GUCY1A2: variants seen among roughly 807,000 people sequenced by gnomAD.
GUCY1A2 encodes the protein guanylate cyclase soluble subunit alpha-2.
Under a neutral mutation model 63.5 loss-of-function variants are expected in GUCY1A2, and 27 were observed. The observed-to-expected ratio is 0.43, with a 90% confidence interval of 0.31 to 0.59. GUCY1A2 has a LOEUF of 0.59. Ranked by LOEUF, GUCY1A2 falls within the 20% of genes least tolerant of loss-of-function variation. The pLI is 0.11. For synonymous variants in GUCY1A2, 364 were observed against 343.5 expected, an observed-to-expected ratio of 1.06 and a Z score of -0.66; for missense variants, 768 against 913.3, an observed-to-expected ratio of 0.84 and a Z score of 2.05.
intron 5 of GUCY1A2, among the ~76,000 whole-genome samples, chr11:106,782,191 T>A (rs180887302): frequency 6.6e-6 from 1 of 152,082 alleles, no homozygotes; most frequent in Non-Finnish European, 1.5e-5. Flanking sequence ...CTATGGGGCA[T>A]AAGAGCAGAG....
rs1389256268 is a variant in GUCY1A2, at chr11:106,679,429, A to C, written c.*8120T>G. ...TTTGCTAGCAGCCAAACCCAATTTG[A>C]GAAGAATGTGAAGAAGAATATGGCG... On this transcript the variant is annotated 3_prime_UTR_variant, in exon 8 of 8. Transcript: ENST00000526355. The C allele has an allele frequency of 5.1e-6, 1 of 195,764 alleles. No individual in the cohort carries two copies. The highest frequency in any genetic ancestry group is 1.1e-5 in the Non-Finnish European group (1 of 94,344). The allele number at this position is 195,764 out of a possible 1,614,324, so 12.1% of individuals were successfully genotyped here. A position where few individuals can be genotyped will look rare whatever the true frequency, so the allele number is the denominator to read the frequency against.
rs1199783393 is a variant in GUCY1A2, at chr11:106,708,517, A to G, written c.1986T>C (p.Thr662=). 14 of 1,611,364 alleles carry G rather than the reference A, an allele frequency of 8.7e-6. No homozygotes were observed. The highest frequency in any genetic ancestry group is 1.2e-5 in the Non-Finnish European group (14 of 1,178,436). ...GGAGGCCAGAGAACACTTACTGGTAAGTGGTTGGGCTGACATTGATGCGCC... is the reference window on the plus strand; with the variant it reads ...GGAGGCCAGAGAACACTTACTGGTAGGTGGTTGGGCTGACATTGATGCGCC... ...HPRRINVSPT[T]YQLLKREESF... Residue 662 remains threonine (T), a synonymous_variant, in exon 7 of 8, where the codon ACT becomes ACC. Transcript: ENST00000526355.
intron 2 of GUCY1A2, among the ~76,000 whole-genome samples, chr11:106,980,910 AT>A (rs1861326527): frequency 6.6e-6 from 1 of 152,176 alleles, no homozygotes; most frequent in African/African-American, 2.4e-5. Flanking sequence ...AACCTCCACC[AT>A]TTTTATCAGA....
chr11:106,962,624 G>A (rs2120067250), intron 3 of GUCY1A2, among the ~76,000 whole-genome samples: 1 of 151,570 alleles, frequency 6.6e-6, no homozygotes, highest in South Asian at 2.1e-4. Flanking sequence ...AGTAGGTGGG[G>A]GGAGTTAAAT....
At chr11:106,907,656 T>C (rs962219995) in intron 4 of GUCY1A2, among the ~76,000 whole-genome samples, 3 of 152,062 alleles carry the variant, frequency 2.0e-5, no homozygotes, top group Non-Finnish European at 4.4e-5. Flanking sequence ...ACATGCGGTG[T>C]TTGGTTTTTT....
chr11:107,015,561 C>CAAAAAAAAAAAAAAA (rs568139219), intron 1 of GUCY1A2, among the ~76,000 whole-genome samples: 1 of 27,480 alleles, frequency 3.6e-5, no homozygotes, highest in African/African-American at 1.1e-4. Context: ...TTCTCTTAGG[C>CAAAAAAAAAAAAAAA]AAAAAAAAAA....
chr11:106,752,789 T>A (rs2135386203), intron 6 of GUCY1A2, among the ~76,000 whole-genome samples: 1 of 152,280 alleles, frequency 6.6e-6, no homozygotes, highest in Admixed American at 6.5e-5. Context: ...TTCCAAGACT[T>A]TGCTATTGTG....
chr11:107,011,679 C>A (rs369101381), intron 1 of GUCY1A2, among the ~76,000 whole-genome samples: 3 of 146,566 alleles, frequency 2.0e-5, no homozygotes, highest in South Asian at 4.3e-4. Context: ...ACTTACAAAC[C>A]TAATAATCAC....
At chr11:106,890,934 A>T (rs916979833) in intron 4 of GUCY1A2, among the ~76,000 whole-genome samples, 2 of 152,292 alleles carry the variant, frequency 1.3e-5, no homozygotes, top group African/African-American at 4.8e-5. Context: ...AAGCTGTTAG[A>T]AATATTTGTG....
chr11:106,710,632 ACT>A (rs1169765643), intron 6 of GUCY1A2, among the ~76,000 whole-genome samples: 2 of 151,452 alleles, frequency 1.3e-5, no homozygotes, highest in Non-Finnish European at 2.9e-5. Context: ...CTGTGTATTT[ACT>A]CTCTGATTAG....
chr11:106,961,699 C>T (rs1295665576), intron 3 of GUCY1A2, among the ~76,000 whole-genome samples: 2 of 152,284 alleles, frequency 1.3e-5, no homozygotes, highest in East Asian at 1.9e-4. Flanking sequence ...CTCTTCTCAG[C>T]ACATTCCTAG....
intron 4 of GUCY1A2, among the ~76,000 whole-genome samples, chr11:106,897,512 A>G (rs1860067541): frequency 6.6e-6 from 1 of 151,978 alleles, no homozygotes; most frequent in Non-Finnish European, 1.5e-5. Flanking sequence ...ATTGATCAAT[A>G]GAACAGAATA....
At chr11:106,836,945 G>A (rs570789513) in intron 4 of GUCY1A2, among the ~76,000 whole-genome samples, 3 of 151,846 alleles carry the variant, frequency 2.0e-5, no homozygotes, top group Non-Finnish European at 4.4e-5. Flanking sequence ...CAATATATTT[G>A]TATATATTTT....
At chr11:106,964,277 T>C (rs1039453950) in intron 3 of GUCY1A2, among the ~76,000 whole-genome samples, 4 of 152,242 alleles carry the variant, frequency 2.6e-5, no homozygotes, top group Non-Finnish European at 4.4e-5. Flanking sequence ...CATTTGTTTT[T>C]CTTGTGTCTT....
chr11:106,920,110 A>T (rs1860422514), intron 4 of GUCY1A2, among the ~76,000 whole-genome samples: 1 of 152,056 alleles, frequency 6.6e-6, no homozygotes, highest in East Asian at 1.9e-4. Context: ...GTAAAAGTAA[A>T]CAAATGTATT....
Position 106,684,397 on chromosome 11 carries a change from A to C in GUCY1A2, c.*3152T>G, listed in dbSNP as rs181435764. 1.7e-3 allele frequency: 324 copies of C among 192,268 alleles called. No homozygotes were observed. The highest frequency in any genetic ancestry group is 3.3e-3 in the South Asian group (17 of 5,158). The allele number at this position is 192,268 out of a possible 1,614,324, so 11.9% of individuals were successfully genotyped here. On this transcript the variant is annotated 3_prime_UTR_variant, in exon 8 of 8. Transcript: ENST00000526355. ...GTCTTCTTCCCCTTCTCTACGTTAT[A>C]TAGACAAGAGATCCAACTACTATGT... is the stretch of plus-strand genomic sequence containing the variant.
chr11:106,826,618 T>C (rs1431489135), intron 4 of GUCY1A2: 7 of 1,604,394 alleles, frequency 4.4e-6, no homozygotes, highest in African/African-American at 1.3e-5. Flanking sequence ...GCCCTGTGCA[T>C]TGTATTTTCC....
At chr11:106,713,300 T>C (rs1355310732) in intron 6 of GUCY1A2, among the ~76,000 whole-genome samples, 1 of 152,138 alleles carries the variant, frequency 6.6e-6, no homozygotes, top group Non-Finnish European at 1.5e-5. Flanking sequence ...GTACTCCATA[T>C]TGGCTGGAAG....
At chr11:106,997,978 A>C (rs962476004) in intron 1 of GUCY1A2, among the ~76,000 whole-genome samples, 9 of 152,182 alleles carry the variant, frequency 5.9e-5, no homozygotes, top group Non-Finnish European at 1.3e-4. Flanking sequence ...ACTGAAAAGA[A>C]AAAAATAAAG....
Sources: gnomAD v4.1 joint callset for allele counts (sites outside exome capture counted in the v4.1 genomes callset) on GRCh38, gnomAD v4.1.1 for gene constraint, MANE v1.5 for transcripts, NCBI Gene and HGNC (gene_info 2026-07-23, HGNC 2026-07-21) for gene names.